Variants in ZNF532 observed in about 807,000 individuals in gnomAD.
ZNF532 encodes zinc finger protein 532.
In ZNF532, 22 loss-of-function variants were observed where a neutral mutation model predicts 89.3. The ratio of observed to expected loss-of-function variants is 0.25; its 90% CI spans 0.18 to 0.35. The LOEUF (loss-of-function observed/expected upper bound fraction) is 0.35. Ranked by LOEUF, ZNF532 falls within the 10% of genes least tolerant of loss-of-function variation. The pLI is 1.00. For synonymous variants in ZNF532, 606 were observed against 649.6 expected (o/e 0.93, Z 1.02); for missense variants, 1,132 against 1,643.4 (o/e 0.69, Z 5.38).
At chr18:58,879,351 GGGTAAGTGTAAAAGCT>G (rs2057698445) in intron 2 of ZNF532, among the ~76,000 whole-genome samples, 2 of 152,332 alleles carry the variant, frequency 1.3e-5, no homozygotes, top group African/African-American at 4.8e-5. Flanking sequence ...CATGTTTATT[GGGTAAGTGTAAAAGCT>G]GGCGGCAAAA....
chr18:58,942,116 G>A (rs1345648535), intron 5 of ZNF532, among the ~76,000 whole-genome samples: 1 of 146,506 alleles, frequency 6.8e-6, no homozygotes, highest in East Asian at 2.1e-4. Flanking sequence ...TCCACCTCCC[G>A]AGTTCAAGCC....
chr18:58,962,071 C>A (rs1002427171), intron 7 of ZNF532, among the ~76,000 whole-genome samples: 1 of 151,992 alleles, frequency 6.6e-6, no homozygotes, highest in African/African-American at 2.4e-5. Flanking sequence ...ACCAAAAATA[C>A]AAAAATTAGC....
intron 5 of ZNF532, among the ~76,000 whole-genome samples, chr18:58,942,094 C>T (rs529370640): frequency 1.3e-5 from 2 of 150,286 alleles, no homozygotes; most frequent in East Asian, 2.0e-4. Flanking sequence ...ACGATCTCAG[C>T]TCACTGCAAG....
intron 5 of ZNF532, among the ~76,000 whole-genome samples, chr18:58,946,611 T>G (rs1327016249): frequency 2.6e-5 from 4 of 152,170 alleles, no homozygotes; most frequent in Non-Finnish European, 5.9e-5. Flanking sequence ...TCTTGGACAT[T>G]TGGGCCGTTC....
In ZNF532 at chr18:58,919,306, G is replaced by C. The variant is rs1299944009; in HGVS notation, c.1019G>C (p.Ser340Thr). The C allele has an allele frequency of 6.2e-7, 1 of 1,614,046 alleles. No homozygotes were observed. Among genetic ancestry groups the C allele is most frequent in the Non-Finnish European group, 8.5e-7 (1 of 1,180,032 alleles). The change falls in exon 3 of 10, where the codon AGT becomes ACT. Residue 340 changes from serine (S) to threonine (T), a missense_variant. Around this residue, in one of 9 missense-constraint regions of ZNF532, gnomAD observed 124 missense variants for 191.6 expected, o/e 0.65. Coordinates refer to ENST00000591808, the MANE Select transcript of ZNF532 (RefSeq NM_001375912.1). The surrounding 1 kb of genome is among the most constrained non-coding windows in gnomAD (Gnocchi z 6.1). ...CCGGATAGTCCCAGAAGCATCTCAA[G>C]TGAGAACAGCAGCAAAGGATCCCCG... ...KQPDSPRSIS[S>T]ENSSKGSPSS... is the part of the protein sequence containing the mutation.
rs142104041 is a variant in ZNF532 at position 58,984,233 on chromosome 18, G to C, written c.3673G>C (p.Val1225Leu). 2 of 1,611,870 alleles carry C rather than the reference G, an allele frequency of 1.2e-6. No individual in the cohort carries two copies. Among genetic ancestry groups the C allele is most frequent in the African/African-American group, 1.3e-5 (1 of 74,922 alleles). Residue 1225 changes from valine to leucine, a missense_variant, in exon 10 of 10, where the codon GTA becomes CTA. This residue lies in a region of ZNF532 where 415 missense variants were observed against 604.8 expected (regional missense o/e 0.69). Transcript: ENST00000591808. ...HVSLSRHLFI[V>L]HKLKEPQPVS... is the part of the protein sequence containing the mutation. ...CTCTCTGTCCAGGCACCTCTTCATC[G>C]TACACAAGTTAAAGGAACCTCAGCC...
chr18:58,879,242 G>C (rs1244306088), intron 2 of ZNF532, among the ~76,000 whole-genome samples: 1 of 152,144 alleles, frequency 6.6e-6, no homozygotes, highest in East Asian at 1.9e-4. Context: ...TGTAAAATGC[G>C]ATGCTTTCTA....
At chr18:58,981,245 T>A (rs2067734093) in intron 8 of ZNF532, 1 of 549,334 alleles carries the variant, frequency 1.8e-6, no homozygotes, top group South Asian at 2.1e-5. Flanking sequence ...TGAAAACTTC[T>A]TTTGAAATGC....
intron 7 of ZNF532, among the ~76,000 whole-genome samples, chr18:58,969,873 C>CTTTTTTTT (rs10617418): frequency 3.5e-5 from 3 of 84,748 alleles, no homozygotes; most frequent in African/African-American, 5.7e-5. Context: ...ATATTTGTCC[C>CTTTTTTTT]TTTTTTTTTT....
intron 7 of ZNF532, among the ~76,000 whole-genome samples, chr18:58,976,029 G>GAA (rs1698460951): frequency 6.6e-6 from 1 of 152,138 alleles, no homozygotes; most frequent in African/African-American, 2.4e-5. Context: ...TAATATTGAG[G>GAA]AACAGAAGTT....
intron 9 of ZNF532, among the ~76,000 whole-genome samples, chr18:58,982,008 A>AAT: frequency 6.6e-6 from 1 of 151,148 alleles, no homozygotes; most frequent in East Asian, 2.0e-4. Flanking sequence ...TCCCAAAAAA[A>AAT]AAAAAAAAAA....
At chr18:58,978,693 A>G (rs2067341614) in intron 7 of ZNF532, among the ~76,000 whole-genome samples, 1 of 152,194 alleles carries the variant, frequency 6.6e-6, no homozygotes, top group Non-Finnish European at 1.5e-5. Context: ...CCTGAGCTGA[A>G]AGTTTGGGAA....
chr18:58,942,563 C>T (rs192191184), intron 5 of ZNF532, among the ~76,000 whole-genome samples: 85 of 152,152 alleles, frequency 5.6e-4, no homozygotes, highest in African/African-American at 1.5e-3. Flanking sequence ...AGCCCTCACC[C>T]GCAGCCTGAC....
chr18:58,919,407 A>G lies in ZNF532; in HGVS notation c.1120A>G (p.Lys374Glu). Residue 374 changes from lysine (K) to glutamate (E), a missense_variant, in exon 3 of 10, where the codon AAG (lysine) becomes GAG (glutamate). By Grantham distance (56) the Lys-to-Glu change is moderately conservative. Transcript: ENST00000591808. The surrounding 1 kb of genome is among the most constrained non-coding windows in gnomAD (Gnocchi z 6.1). ...KTIKTSSGEI[K>E]RTVTRVLPEV... Reference sequence around the variant, plus strand: ...CATTAAGACATCTTCTGGGGAAATCAAGAGAACAGTGACCAGGGTATTGCC... The same window carrying G: ...CATTAAGACATCTTCTGGGGAAATCGAGAGAACAGTGACCAGGGTATTGCC... 1 of 1,614,220 alleles carries G rather than the reference A, an allele frequency of 6.2e-7. No individual in the cohort carries two copies. The highest frequency in any genetic ancestry group is 8.5e-7 in the Non-Finnish European group (1 of 1,180,028).
chr18:58,898,539 T>A (rs1216973969), intron 2 of ZNF532, among the ~76,000 whole-genome samples: 1 of 152,242 alleles, frequency 6.6e-6, no homozygotes, highest in Non-Finnish European at 1.5e-5. Context: ...GACCAGAGTC[T>A]AACAGACAGC....
intron 2 of ZNF532, among the ~76,000 whole-genome samples, chr18:58,901,136 C>T (rs2059575664): frequency 6.6e-6 from 1 of 152,166 alleles, no homozygotes; most frequent in African/African-American, 2.4e-5. Context: ...CTCTGGGTCT[C>T]TTTCTTTTCC....
intron 7 of ZNF532, among the ~76,000 whole-genome samples, chr18:58,967,020 A>G (rs961444420): frequency 4.6e-5 from 7 of 152,170 alleles, no homozygotes; most frequent in African/African-American, 2.4e-5. Flanking sequence ...ATCCCACTGG[A>G]TATTAAGTAT....
At chr18:58,898,428 G>T (rs1361351746) in intron 2 of ZNF532, among the ~76,000 whole-genome samples, 2 of 152,296 alleles carry the variant, frequency 1.3e-5, no homozygotes, top group African/African-American at 2.4e-5. Flanking sequence ...TATTTACAAG[G>T]TATATATGAT....
chr18:58,957,406 C>CATATATATATATATATATATAT (rs58182199), intron 7 of ZNF532, among the ~76,000 whole-genome samples: 7 of 138,908 alleles, frequency 5.0e-5, no homozygotes, highest in South Asian at 4.8e-4. Context: ...ACTTAAAATA[C>CATATATATATATATATATATAT]ATATATATAT....
Sources: allele counts gnomAD v4.1 joint callset (sites outside exome capture counted in the v4.1 genomes callset), GRCh38; gene constraint gnomAD v4.1.1; regional missense constraint gnomAD v4.1.1; non-coding constraint Gnocchi (gnomAD v3.1); transcripts MANE v1.5; gene names NCBI Gene and HGNC (gene_info 2026-07-23, HGNC 2026-07-21).